The following SHISA5 variants were observed in gnomAD, a reference collection of about 807,000 sequenced individuals.
SHISA5 encodes protein shisa-5.
In SHISA5, 21 loss-of-function variants were observed where a neutral mutation model predicts 27.5. The observed-to-expected ratio is 0.76, with a 90% confidence interval of 0.54 to 1.10. SHISA5 has a LOEUF of 1.10. Among genes scored for constraint, SHISA5 ranks in the 50% least tolerant of loss-of-function variants. SHISA5 has a pLI of 0.00. For missense variants in SHISA5, 314 were observed against 336.3 expected (o/e 0.93, Z 0.52); for synonymous variants, 137 against 142.2 (o/e 0.96, Z 0.26).
At chr3:48,474,439 T>C (rs1387716711) in intron 3 of SHISA5, among the ~76,000 whole-genome samples, 1 of 151,778 alleles carries the variant, frequency 6.6e-6, no homozygotes, top group Admixed American at 6.6e-5. Flanking sequence ...CGGGTTCAAG[T>C]GATTCTCGTG....
chr3:48,473,045 T>C lies in SHISA5; in HGVS notation c.315-3202A>G. ...CCTCTGCCTTCACCCAGAGGCCTCC[T>C]GTACCCCTGGGCTTTCCCCTCTTCC... On this transcript the variant is annotated intron_variant, in intron 3 of 5. Coordinates refer to ENST00000296444, the MANE Select transcript of SHISA5 (RefSeq NM_016479.6). This position sits in a 1 kb window ranked among gnomAD's most constrained non-coding sequence, Gnocchi z 4.3. The C allele has an allele frequency of 6.5e-7, 1 of 1,534,976 alleles. No homozygotes were observed. Among genetic ancestry groups the C allele is most frequent in the South Asian group, 1.2e-5 (1 of 83,994 alleles).
At chr3:48,501,389 A>G in intron 1 of SHISA5, 96 bp from the exon 2 acceptor site, 1 of 1,348,904 alleles carries the variant, frequency 7.4e-7, no homozygotes. Flanking sequence ...CCACACACAC[A>G]CACACATGCT....
At position 48,470,709 on chromosome 3, in the gene SHISA5, C is replaced by T. The variant is rs2040577388; in HGVS notation, c.315-866G>A. Among the ~76,000 whole-genome samples, 1 of 152,032 alleles carries T rather than the reference C, an allele frequency of 6.6e-6. No homozygotes were observed. Among genetic ancestry groups the T allele is most frequent in the Admixed American group, 6.6e-5 (1 of 15,266 alleles). ...TGGGAGGCCGAGGAGGGCGGATCAC[C>T]TGAGGTGAGGTGTTCGAGACCAGCC... On this transcript the variant is annotated intron_variant, in intron 3 of 5. Coordinates refer to ENST00000296444, the MANE Select transcript of SHISA5 (RefSeq NM_016479.6). The surrounding 1 kb of genome is among the most constrained non-coding windows in gnomAD (Gnocchi z 4.3).
intron 3 of SHISA5, among the ~76,000 whole-genome samples, chr3:48,471,756 CA>C (rs1241190517): frequency 4.0e-5 from 6 of 151,428 alleles, no homozygotes; most frequent in Non-Finnish European, 7.4e-5. Context: ...TGGGTGCTTG[CA>C]ATCCCAGCTA....
intron 2 of SHISA5, among the ~76,000 whole-genome samples, chr3:48,481,107 A>C (rs2040994950): frequency 6.6e-6 from 1 of 151,802 alleles, no homozygotes; most frequent in African/African-American, 2.4e-5. Flanking sequence ...AAAAATAATA[A>C]GAATAAATAA....
intron 2 of SHISA5, among the ~76,000 whole-genome samples, chr3:48,486,809 A>G (rs2041262407): frequency 6.7e-6 from 1 of 149,874 alleles, no homozygotes; most frequent in Non-Finnish European, 1.5e-5. Context: ...CAATGCCTGT[A>G]CTCGGGAGGC....
In SHISA5 at chr3:48,473,135, G is replaced by C. The variant is rs1047690086; in HGVS notation, c.315-3292C>G. On this transcript the variant is annotated intron_variant, in intron 3 of 5. Transcript: ENST00000296444. The surrounding 1 kb of genome is among the most constrained non-coding windows in gnomAD (Gnocchi z 4.3). ...AGAAAAAGAAAGCAAATCTCCTCCA[G>C]ATGACGTCAGCCACAGGAAGCACAG... The C allele has an allele frequency of 6.8e-7, 1 of 1,463,592 alleles. No homozygotes were observed. The highest frequency in any genetic ancestry group is 2.5e-5 in the Admixed American group (1 of 40,172). The allele number at this position is 1,463,592 out of a possible 1,614,324, so 90.7% of individuals were successfully genotyped here.
intron 2 of SHISA5, among the ~76,000 whole-genome samples, chr3:48,487,194 C>T (rs1290656873): frequency 6.6e-6 from 1 of 151,996 alleles, no homozygotes; most frequent in Admixed American, 6.6e-5. Context: ...TTTTCTAAAA[C>T]TGAAATTTAA....
intron 2 of SHISA5, among the ~76,000 whole-genome samples, chr3:48,497,270 T>G (rs867209045): frequency 1.1e-4 from 17 of 147,844 alleles, no homozygotes; most frequent in African/African-American, 4.0e-4. Context: ...AAGTTTTTTT[T>G]TTTTTTTTTT....
At chr3:48,496,292 A>T (rs1345100742) in intron 2 of SHISA5, among the ~76,000 whole-genome samples, 1 of 147,150 alleles carries the variant, frequency 6.8e-6, no homozygotes, top group South Asian at 2.2e-4. Context: ...ACTCCGTCAA[A>T]AAAAAAAATA....
At chr3:48,483,455 T>C (rs147809149) in intron 2 of SHISA5, among the ~76,000 whole-genome samples, 13,102 of 152,112 alleles carry the variant, frequency 0.086, 1,027 homozygotes, top group African/African-American at 0.21. Context: ...TTTCTCAGTA[T>C]AGAACAAAAT....
chr3:48,500,596 C>T (rs984341477), intron 2 of SHISA5, among the ~76,000 whole-genome samples: 2 of 152,106 alleles, frequency 1.3e-5, no homozygotes, highest in African/African-American at 4.8e-5. Flanking sequence ...CGGCAAAGAG[C>T]CACACACAGG....
chr3:48,496,216 C>T (rs1305112200), intron 2 of SHISA5, among the ~76,000 whole-genome samples: 12 of 150,490 alleles, frequency 8.0e-5, no homozygotes, highest in Admixed American at 7.3e-4. Context: ...CACTTGAACC[C>T]GGGAAGCGGA....
rs762324453 is a variant in SHISA5, at chr3:48,469,297, G to A, written c.643+64C>T. The stretch of plus-strand genomic sequence containing the variant: ...TTGAGTGATGTAGTTTGGGATGGGT[G>A]CCCGAGGGATGCTGGCAGAGACTCG... On this transcript the variant is annotated intron_variant, in intron 5 of 5. Coordinates refer to ENST00000296444, the MANE Select transcript of SHISA5 (RefSeq NM_016479.6). This position sits in a 1 kb window ranked among gnomAD's most constrained non-coding sequence, Gnocchi z 4.6. 6.4e-7 allele frequency: 1 copy of A among 1,566,004 alleles called. No homozygotes were observed. Among genetic ancestry groups the A allele is most frequent in the South Asian group, 1.2e-5 (1 of 82,606 alleles).
Position 48,469,451 on chromosome 3 carries a change from C to G in SHISA5, c.553G>C (p.Gly185Arg). 6.2e-7 allele frequency: 1 copy of G among 1,613,778 alleles called. No individual in the cohort carries two copies. Among genetic ancestry groups the G allele is most frequent in the Non-Finnish European group, 8.5e-7 (1 of 1,179,884 alleles). The change falls in exon 5 of 6, where the codon GGG becomes CGG. Residue 185 changes from glycine to arginine, a missense_variant. Physicochemically the swap from Gly to Arg is moderately radical, Grantham distance 125 (BLOSUM62 -2). Coordinates refer to ENST00000296444, the MANE Select transcript of SHISA5 (RefSeq NM_016479.6). The surrounding 1 kb of genome is among the most constrained non-coding windows in gnomAD (Gnocchi z 4.6). Reference protein sequence around the residue: ...QGYHTMPPQPGMPAAPYPMQY... With the variant: ...QGYHTMPPQPRMPAAPYPMQY... ...ATTGGGTAGGGTGCTGCTGGCATCC[C>G]TGGCTGAGGCGGCATGGTGTGGTAG...
intron 3 of SHISA5, among the ~76,000 whole-genome samples, chr3:48,477,449 G>A (rs1244829487): frequency 3.9e-5 from 6 of 151,920 alleles, no homozygotes; most frequent in African/African-American, 1.5e-4. Context: ...CTGGAGTGCA[G>A]GGATTATTCC....
At chr3:48,485,679 T>C (rs2041196505) in intron 2 of SHISA5, among the ~76,000 whole-genome samples, 2 of 123,974 alleles carry the variant, frequency 1.6e-5, no homozygotes, top group African/African-American at 7.9e-5. Flanking sequence ...CATATAATAT[T>C]ATATACATTT....
At chr3:48,479,752 G>A (rs974708308) in intron 2 of SHISA5, among the ~76,000 whole-genome samples, 2 of 151,730 alleles carry the variant, frequency 1.3e-5, no homozygotes, top group South Asian at 2.1e-4. Context: ...GCCACCATGC[G>A]CAGCTAATTT....
intron 1 of SHISA5, chr3:48,502,993 G>A (rs1192752145): frequency 7.2e-6 from 5 of 699,128 alleles, no homozygotes; most frequent in Non-Finnish European, 8.6e-6. Flanking sequence ...GGAGTTGGGG[G>A]GAACTGCACT....
Sources: allele counts gnomAD v4.1 joint callset (sites outside exome capture counted in the v4.1 genomes callset), GRCh38; gene constraint gnomAD v4.1.1; non-coding constraint Gnocchi (gnomAD v3.1); transcripts MANE v1.5; gene names NCBI Gene and HGNC (gene_info 2026-07-23, HGNC 2026-07-21).